The following ANKFN1 variants were observed in gnomAD, a reference collection of about 807,000 sequenced individuals.
The protein encoded by ANKFN1 is ankyrin repeat and fibronectin type III domain containing 1, also known as ankyrin repeat and fibronectin type-III domain-containing protein 1.
ANKFN1 carries 74 observed loss-of-function variants against 108.7 expected under a neutral mutation model. The ratio of observed to expected loss-of-function variants is 0.68; its 90% CI spans 0.56 to 0.83. ANKFN1 has a LOEUF of 0.83. ANKFN1 is among the 40% of genes least tolerant of loss of function. The pLI is 0.00. For synonymous variants in ANKFN1, 547 were observed against 516.2 expected, an observed-to-expected ratio of 1.06 and a Z score of -0.81; for missense variants, 1,505 against 1,382.3, an observed-to-expected ratio of 1.09 and a Z score of -1.41.
chr17:56,356,894 C>T (rs1021383864), intron 6 of ANKFN1, among the ~76,000 whole-genome samples: 1 of 152,136 alleles, frequency 6.6e-6, no homozygotes, highest in Admixed American at 6.5e-5. Context: ...TAGTCCTACT[C>T]ACTTACCTGC....
At chr17:56,311,091 C>G (rs989655506) in intron 3 of ANKFN1, among the ~76,000 whole-genome samples, 5 of 151,868 alleles carry the variant, frequency 3.3e-5, no homozygotes, top group Non-Finnish European at 7.4e-5. Flanking sequence ...CATGTTGTCA[C>G]AAATAATAGA....
At chr17:56,353,715 A>T in intron 5 of ANKFN1, 121 bp from the exon 6 acceptor site, 2 of 793,028 alleles carry the variant, frequency 2.5e-6, no homozygotes, top group Non-Finnish European at 2.1e-6. Flanking sequence ...GATAAATTGT[A>T]GTTATTCCAC....
intron 8 of ANKFN1, among the ~76,000 whole-genome samples, chr17:56,433,672 C>G (rs1253430600): frequency 6.6e-6 from 1 of 151,922 alleles, no homozygotes; most frequent in Non-Finnish European, 1.5e-5. Flanking sequence ...CTTTGAGACT[C>G]AAGGGGAAAG....
chr17:56,395,771 C>T (rs1195472934), intron 8 of ANKFN1, among the ~76,000 whole-genome samples: 3 of 152,062 alleles, frequency 2.0e-5, no homozygotes, highest in Admixed American at 2.0e-4. Flanking sequence ...ATCACTTGAA[C>T]CCGGAAGGTG....
At chr17:56,190,784 C>T (rs199653548) in intron 1 of ANKFN1, among the ~76,000 whole-genome samples, 17,543 of 139,968 alleles carry the variant, frequency 0.13, 1,126 homozygotes, top group African/African-American at 0.28. Context: ...CTTTCTGTCT[C>T]GTTGATCTGT....
chr17:56,306,595 A>C (rs1202812444), intron 3 of ANKFN1, among the ~76,000 whole-genome samples: 2 of 152,248 alleles, frequency 1.3e-5, no homozygotes, highest in Non-Finnish European at 2.9e-5. Context: ...AACAAATGGA[A>C]GAACATTCCA....
intron 19 of ANKFN1, among the ~76,000 whole-genome samples, chr17:56,493,389 A>G (rs2051100918): frequency 6.6e-6 from 1 of 152,180 alleles, no homozygotes; most frequent in Non-Finnish European, 1.5e-5. Context: ...AGGTTAGATT[A>G]CAGTAAGGTG....
At chr17:56,233,095 A>G (rs1483766092) in intron 3 of ANKFN1, among the ~76,000 whole-genome samples, 2 of 152,132 alleles carry the variant, frequency 1.3e-5, no homozygotes, top group Non-Finnish European at 2.9e-5. Flanking sequence ...CTCAAATTAC[A>G]TGTAAAGAAT....
At position 56,169,673 on chromosome 17, in the gene ANKFN1, C is replaced by T. The variant is rs117392762; in HGVS notation, c.-71+16143C>T. Among the ~76,000 whole-genome samples, 1,315 of 152,200 alleles carry T rather than the reference C, an allele frequency of 8.6e-3. 4 individuals carry two copies. Among genetic ancestry groups the T allele is most frequent in the South Asian group, 0.019 (92 of 4,792 alleles). On this transcript the variant is annotated intron_variant, in intron 1 of 20. Transcript: ENST00000682825. ...AAGAAAGGCAGAAAAGTAAGATGGG[C>T]ATTGATCAGAGTGGCAGAACAGGCT...
At chr17:56,362,172 T>C (rs1282951123) in intron 6 of ANKFN1, among the ~76,000 whole-genome samples, 1 of 152,202 alleles carries the variant, frequency 6.6e-6, no homozygotes, top group Non-Finnish European at 1.5e-5. Context: ...TTGTAATTGA[T>C]TTCTAAAAAT....
At chr17:56,390,218 C>A (rs2047387913) in intron 8 of ANKFN1, among the ~76,000 whole-genome samples, 1 of 151,116 alleles carries the variant, frequency 6.6e-6, no homozygotes, top group African/African-American at 2.4e-5. Flanking sequence ...CCTTGACAGA[C>A]CCCAATGTGT....
Position 56,327,619 on chromosome 17 carries a change from T to C in ANKFN1, c.188+1264T>C, listed in dbSNP as rs147752008. 6.6e-5 allele frequency among the ~76,000 whole-genome samples: 10 copies of C among 152,328 alleles called. 1 individual carries two copies. Among genetic ancestry groups the C allele is most frequent in the Middle Eastern group, 3.4e-3 (1 of 294 alleles). ...GGCTATTTCACAAATGATGGCATTCTAATAGCAAGGAGACCGAGTTGCCTA... is the reference window on the plus strand; with the variant it reads ...GGCTATTTCACAAATGATGGCATTCCAATAGCAAGGAGACCGAGTTGCCTA... On this transcript the variant is annotated intron_variant, in intron 4 of 20. Coordinates refer to ENST00000682825, the MANE Select transcript of ANKFN1 (RefSeq NM_001370326.1).
At chr17:56,374,286 A>C (rs976854777) in intron 7 of ANKFN1, among the ~76,000 whole-genome samples, 1 of 152,148 alleles carries the variant, frequency 6.6e-6, no homozygotes, top group Admixed American at 6.5e-5. Flanking sequence ...ACAATATAGG[A>C]TCCTGCTATC....
Position 56,177,485 on chromosome 17 carries a change from C to T in ANKFN1, c.-71+23955C>T, listed in dbSNP as rs78801759. ...AGCTGGAGACTCCTGTTCCATCTTC[C>T]CTGTTGAAATAGGTTACAAGGGAAT... On this transcript the variant is annotated intron_variant, in intron 1 of 20. Transcript: ENST00000682825. Among the ~76,000 whole-genome samples the T allele has an allele frequency of 2.6e-3, 392 of 152,310 alleles. 2 individuals are homozygous for T. The highest frequency in any genetic ancestry group is 9.1e-3 in the African/African-American group (377 of 41,574).
At chr17:56,360,499 C>T (rs2046488183) in intron 6 of ANKFN1, among the ~76,000 whole-genome samples, 1 of 152,106 alleles carries the variant, frequency 6.6e-6, no homozygotes, top group South Asian at 2.1e-4. Flanking sequence ...TTTTTATTTG[C>T]TTATTTTCAT....
At chr17:56,348,345 A>G (rs1048569485) in intron 4 of ANKFN1, among the ~76,000 whole-genome samples, 1 of 152,126 alleles carries the variant, frequency 6.6e-6, no homozygotes, top group Admixed American at 6.6e-5. Context: ...CCTCCTGGAC[A>G]TTACTAAGAT....
chr17:56,085,375 G>T (rs1201226695), intron 4 of ANKFN1, among the ~76,000 whole-genome samples: 1 of 150,632 alleles, frequency 6.6e-6, no homozygotes, highest in Admixed American at 6.6e-5. Flanking sequence ...CATAGGAATA[G>T]GCCATGTGAA....
At chr17:56,477,684 G>A in intron 16 of ANKFN1, 30 bp downstream of exon 16, 3 of 1,605,096 alleles carry the variant, frequency 1.9e-6, no homozygotes, top group Non-Finnish European at 2.6e-6. Context: ...GATTTTCCTT[G>A]TGATGAAACA....
At chr17:56,192,910 C>T (rs1913113212) in intron 1 of ANKFN1, among the ~76,000 whole-genome samples, 1 of 131,250 alleles carries the variant, frequency 7.6e-6, no homozygotes, top group African/African-American at 3.0e-5. Context: ...GGGTATATAC[C>T]CAAATGACTA....
Sources: allele counts gnomAD v4.1 joint callset (sites outside exome capture counted in the v4.1 genomes callset), GRCh38; gene constraint gnomAD v4.1.1; transcripts MANE v1.5; gene names NCBI Gene and HGNC (gene_info 2026-07-23, HGNC 2026-07-21).